SUCLG2: variants seen among roughly 807,000 people sequenced by gnomAD.
SUCLG2 encodes succinate-CoA ligase GDP-forming subunit beta.
In SUCLG2, 42 loss-of-function variants were observed where a neutral mutation model predicts 47.9. The ratio of observed to expected loss-of-function variants is 0.88; its 90% confidence interval spans 0.69 to 1.14. The LOEUF (loss-of-function observed/expected upper bound fraction) is 1.14. Among genes scored for constraint, SUCLG2 ranks in the 50% most tolerant of loss-of-function variants. The pLI is 0.00. For synonymous variants in SUCLG2, 195 were observed against 197.3 expected (o/e 0.99, Z 0.10); for missense variants, 571 against 525.9 (o/e 1.09, Z -0.84).
chr3:67,631,292 G>C (rs1384431992), intron 1 of SUCLG2, among the ~76,000 whole-genome samples: 2 of 152,140 alleles, frequency 1.3e-5, no homozygotes, highest in African/African-American at 4.8e-5. Context: ...CAGTGATAGA[G>C]GTGAATGGTT....
intron 9 of SUCLG2, among the ~76,000 whole-genome samples, chr3:67,494,065 G>A (rs1037497942): frequency 6.6e-6 from 1 of 152,080 alleles, no homozygotes; most frequent in Non-Finnish European, 1.5e-5. Context: ...AAAAACATAA[G>A]GCCACCAACT....
At chr3:67,448,515 G>C (rs1167434488) in intron 9 of SUCLG2, among the ~76,000 whole-genome samples, 2 of 152,134 alleles carry the variant, frequency 1.3e-5, no homozygotes, top group African/African-American at 4.8e-5. Context: ...CTCCTGAGTA[G>C]CTGGGATTAC....
intron 1 of SUCLG2, among the ~76,000 whole-genome samples, chr3:67,612,716 T>C (rs550034516): frequency 1.3e-5 from 2 of 152,278 alleles, no homozygotes; most frequent in South Asian, 4.1e-4. Flanking sequence ...GGCGATGCCG[T>C]ATCTACTACC....
chr3:67,430,430 C>T (rs1703444648), intron 9 of SUCLG2, among the ~76,000 whole-genome samples: 1 of 152,172 alleles, frequency 6.6e-6, no homozygotes, highest in Non-Finnish European at 1.5e-5. Context: ...ATACCAGAAT[C>T]TCTGAGACAC....
intron 9 of SUCLG2, among the ~76,000 whole-genome samples, chr3:67,424,045 G>T (rs965177287): frequency 3.9e-5 from 6 of 152,152 alleles, no homozygotes; most frequent in Non-Finnish European, 2.9e-5. Context: ...TGTTTTCTCT[G>T]TACTTGATCT....
In SUCLG2 at chr3:67,443,357, CCT is replaced by C. The variant is rs1703825095; in HGVS notation, c.1063-42508_1063-42507del. ...CTTTGCCGCCGCGCCGGCGAGCGCCCCTCGGGAGGCAGCGGCTGGAGGAGCGG... is the reference window on the plus strand; with the variant it reads ...CTTTGCCGCCGCGCCGGCGAGCGCCCCGGGAGGCAGCGGCTGGAGGAGCGG... On this transcript the variant is annotated intron_variant, in intron 9 of 10. Coordinates refer to ENST00000307227, the MANE Select transcript of SUCLG2 (RefSeq NM_003848.4). Among the ~76,000 whole-genome samples the C allele has an allele frequency of 5.6e-4, 37 of 66,438 alleles. 15 individuals carry two copies. The Admixed American group carries it at 6.0e-3, about 11-fold the overall frequency. The allele number at this position is 66,438 out of a possible 152,430, so 43.6% of individuals were successfully genotyped here.
chr3:67,543,331 T>TA (rs561739977), intron 2 of SUCLG2, among the ~76,000 whole-genome samples: 210 of 152,332 alleles, frequency 1.4e-3, no homozygotes, highest in Non-Finnish European at 2.5e-3. Context: ...TGTAAACAGT[T>TA]ACATAGTCGT....
chr3:67,631,439 C>T (rs1044465279), intron 1 of SUCLG2, among the ~76,000 whole-genome samples: 1 of 152,000 alleles, frequency 6.6e-6, no homozygotes, highest in Non-Finnish European at 1.5e-5. Flanking sequence ...ACCAGCCTTG[C>T]CAACATGGTG....
intron 1 of SUCLG2, among the ~76,000 whole-genome samples, chr3:67,652,511 T>A (rs760210841): frequency 3.9e-5 from 6 of 152,098 alleles, no homozygotes; most frequent in Non-Finnish European, 8.8e-5. Context: ...ATGAAACAGA[T>A]CATAGGAAGC....
At chr3:67,367,945 T>C (rs551975495) in intron 10 of SUCLG2, among the ~76,000 whole-genome samples, 41 of 152,214 alleles carry the variant, frequency 2.7e-4, no homozygotes, top group Non-Finnish European at 5.1e-4. Context: ...TTTTGCAGCA[T>C]ATATTATGAA....
At chr3:67,474,216 C>A (rs997511006) in intron 9 of SUCLG2, among the ~76,000 whole-genome samples, 1 of 151,492 alleles carries the variant, frequency 6.6e-6, no homozygotes, top group Non-Finnish European at 1.5e-5. Flanking sequence ...GCCGAGATTG[C>A]GCCACTGCAC....
At chr3:67,470,728 GA>G (rs1177645639) in intron 9 of SUCLG2, among the ~76,000 whole-genome samples, 4 of 152,292 alleles carry the variant, frequency 2.6e-5, no homozygotes, top group East Asian at 3.9e-4. Context: ...CCAGCCTCTA[GA>G]ACTGTAAGCC....
At chr3:67,462,751 G>T (rs1575712508) in intron 9 of SUCLG2, among the ~76,000 whole-genome samples, 1 of 152,214 alleles carries the variant, frequency 6.6e-6, no homozygotes, top group East Asian at 1.9e-4. Context: ...TAGCCGGTTG[G>T]TGAGAAACAC....
chr3:67,442,009 TTTC>T (rs1353466179), intron 9 of SUCLG2, among the ~76,000 whole-genome samples: 1 of 148,460 alleles, frequency 6.7e-6, no homozygotes, highest in Admixed American at 6.9e-5. Context: ...GTCTACTTTC[TTTC>T]TTTTTTTTTT....
At chr3:67,480,928 A>G (rs940358128) in intron 9 of SUCLG2, among the ~76,000 whole-genome samples, 1 of 152,226 alleles carries the variant, frequency 6.6e-6, no homozygotes, top group Non-Finnish European at 1.5e-5. Flanking sequence ...TTCATGGAAA[A>G]GCAGGGTGAG....
chr3:67,566,186 G>C (rs996505259), intron 2 of SUCLG2, among the ~76,000 whole-genome samples: 1 of 152,198 alleles, frequency 6.6e-6, no homozygotes, highest in Non-Finnish European at 1.5e-5. Flanking sequence ...CGAATACGGT[G>C]AACATTCTAG....
intron 9 of SUCLG2, among the ~76,000 whole-genome samples, chr3:67,421,968 A>C (rs539576118): frequency 6.6e-6 from 1 of 152,340 alleles, no homozygotes; most frequent in African/African-American, 2.4e-5. Flanking sequence ...AATAAAAGCA[A>C]AGAAGATTTG....
intron 9 of SUCLG2, among the ~76,000 whole-genome samples, chr3:67,402,936 T>C (rs1292775674): frequency 1.3e-5 from 2 of 152,100 alleles, no homozygotes; most frequent in Non-Finnish European, 2.9e-5. Flanking sequence ...GAGTGAGGGA[T>C]AGGAGCAAAA....
rs534219844 is a variant in SUCLG2 at position 67,565,899 on chromosome 3, C to A, written c.227-36713G>T. ...GAGCTTCCACAAGGCAGATTCACTGCTCAAATTGGAAATGTTCTAAAAGTC... is the reference window on the plus strand; with the variant it reads ...GAGCTTCCACAAGGCAGATTCACTGATCAAATTGGAAATGTTCTAAAAGTC... On this transcript the variant is annotated intron_variant, in intron 2 of 10. Transcript: ENST00000307227. Among the ~76,000 whole-genome samples the A allele has an allele frequency of 3.3e-5, 5 of 152,332 alleles. No individual in the cohort carries two copies. The East Asian group carries it at 9.6e-4, about 29-fold the overall frequency.
Sources: gnomAD v4.1 joint callset for allele counts (sites outside exome capture counted in the v4.1 genomes callset) on GRCh38, gnomAD v4.1.1 for gene constraint, MANE v1.5 for transcripts, NCBI Gene and HGNC (gene_info 2026-07-23, HGNC 2026-07-21) for gene names.